The following CACNA2D3 variants were observed in gnomAD, a reference collection of about 807,000 sequenced individuals.
The protein encoded by CACNA2D3 is voltage-dependent calcium channel subunit alpha-2/delta-3.
In CACNA2D3, 60 loss-of-function variants were observed where a neutral mutation model predicts 160.6. The ratio of observed to expected loss-of-function variants is 0.37; its 90% CI spans 0.30 to 0.46. The LOEUF is 0.46. Among genes scored for constraint, CACNA2D3 ranks in the 20% least tolerant of loss-of-function variants. The probability of loss-of-function intolerance (pLI) is 1.00; values close to 1 mark genes in which losing one functional copy is unlikely to be tolerated. For missense variants in CACNA2D3, 1,205 were observed against 1,365.0 expected, an observed-to-expected ratio of 0.88 and a Z score of 1.85; for synonymous variants, 558 against 492.9, an observed-to-expected ratio of 1.13 and a Z score of -1.75.
At chr3:54,459,840 C>G (rs1248308301) in intron 4 of CACNA2D3, among the ~76,000 whole-genome samples, 1 of 152,156 alleles carries the variant, frequency 6.6e-6, no homozygotes, top group Non-Finnish European at 1.5e-5. Context: ...GACATGAAGT[C>G]CTTGCCCATG....
intron 4 of CACNA2D3, among the ~76,000 whole-genome samples, chr3:54,498,734 G>A (rs566563107): frequency 6.6e-6 from 1 of 151,628 alleles, no homozygotes; most frequent in South Asian, 2.1e-4. Flanking sequence ...TCTTCTCTAA[G>A]CTCTGCTTTC....
intron 27 of CACNA2D3, among the ~76,000 whole-genome samples, chr3:54,956,876 A>G (rs1701910861): frequency 1.3e-5 from 2 of 152,138 alleles, no homozygotes; most frequent in African/African-American, 4.8e-5. Context: ...AGCACACTAC[A>G]TCTTACAGTT....
rs746440922 is a variant in CACNA2D3, at chr3:54,581,890, C to T, written c.963+13C>T. The T allele has an allele frequency of 3.4e-5, 54 of 1,611,128 alleles. No individual in the cohort carries two copies. The highest frequency in any genetic ancestry group is 3.3e-4 in the Middle Eastern group (2 of 6,054). ...GACAAACAAAGAGGTAGGGGCAGCT[C>T]GGGGGAGCATTCCAGTCATGGTACA... On this transcript the variant is annotated intron_variant, in intron 9 of 37. Coordinates refer to ENST00000474759, the MANE Select transcript of CACNA2D3 (RefSeq NM_018398.3).
At chr3:54,897,719 G>A (rs1293188643) in intron 26 of CACNA2D3, among the ~76,000 whole-genome samples, 2 of 152,168 alleles carry the variant, frequency 1.3e-5, no homozygotes, top group African/African-American at 4.8e-5. Flanking sequence ...TCCAGGGTTT[G>A]TGCCCAATCC....
intron 10 of CACNA2D3, among the ~76,000 whole-genome samples, chr3:54,631,337 C>G (rs1237324785): frequency 6.6e-6 from 1 of 152,012 alleles, no homozygotes; most frequent in Non-Finnish European, 1.5e-5. Flanking sequence ...CATTTCATAT[C>G]ATCTATTGCC....
At chr3:55,018,346 C>A (rs1477378453) in intron 35 of CACNA2D3, 29 bp downstream of exon 35, 1 of 1,350,902 alleles carries the variant, frequency 7.4e-7, no homozygotes, top group South Asian at 1.2e-5. Context: ...CTCTAACCCC[C>A]TACACCTTTC....
At chr3:54,123,160 TGG>T (rs111569059) in intron 1 of CACNA2D3, among the ~76,000 whole-genome samples, 4 of 151,282 alleles carry the variant, frequency 2.6e-5, no homozygotes, top group African/African-American at 7.3e-5. Context: ...CTTCTTTTTT[TGG>T]GGGGGGGATG....
chr3:54,499,124 T>A (rs1482138028), intron 4 of CACNA2D3, among the ~76,000 whole-genome samples: 2 of 152,110 alleles, frequency 1.3e-5, no homozygotes, highest in African/African-American at 4.8e-5. Flanking sequence ...GAAAGTAGTA[T>A]TGCTACAGGA....
At chr3:55,026,976 T>C (rs964355486) in intron 35 of CACNA2D3, among the ~76,000 whole-genome samples, 2 of 151,448 alleles carry the variant, frequency 1.3e-5, no homozygotes, top group Non-Finnish European at 2.9e-5. Context: ...CTCTCACCGC[T>C]AAGCGCGCAT....
chr3:54,980,503 T>C (rs1225114915), intron 29 of CACNA2D3, among the ~76,000 whole-genome samples: 1 of 152,218 alleles, frequency 6.6e-6, no homozygotes, highest in African/African-American at 2.4e-5. Context: ...CAAAATATAT[T>C]CTACTTTTCT....
chr3:54,441,425 A>G (rs1198882692), intron 4 of CACNA2D3, among the ~76,000 whole-genome samples: 8 of 152,056 alleles, frequency 5.3e-5, no homozygotes, highest in Non-Finnish European at 1.2e-4. Context: ...ATTTTCTCCC[A>G]TTCCGTAGGT....
chr3:54,545,558 A>T (rs150862703), intron 5 of CACNA2D3, among the ~76,000 whole-genome samples: 1 of 152,278 alleles, frequency 6.6e-6, no homozygotes, highest in African/African-American at 2.4e-5. Flanking sequence ...ACATCCCAAG[A>T]GATCTGTGTC....
intron 2 of CACNA2D3, among the ~76,000 whole-genome samples, chr3:54,157,585 T>C (rs1700266336): frequency 6.6e-6 from 1 of 151,916 alleles, no homozygotes; most frequent in Non-Finnish European, 1.5e-5. Flanking sequence ...AGGTCGGGAG[T>C]TCGAGACCAG....
At chr3:54,144,759 GTTA>G (rs1299550482) in intron 2 of CACNA2D3, among the ~76,000 whole-genome samples, 4 of 152,252 alleles carry the variant, frequency 2.6e-5, no homozygotes, top group Non-Finnish European at 5.9e-5. Flanking sequence ...CACTTACGGA[GTTA>G]TTATGAGGAT....
intron 11 of CACNA2D3, among the ~76,000 whole-genome samples, chr3:54,671,600 C>G (rs1285912072): frequency 3.9e-5 from 6 of 152,114 alleles, no homozygotes; most frequent in Non-Finnish European, 7.3e-5. Context: ...AGTGTTTCCC[C>G]CAGCAGATGG....
At chr3:54,319,251 G>A (rs73081633) in intron 2 of CACNA2D3, among the ~76,000 whole-genome samples, 12,837 of 151,142 alleles carry the variant, frequency 0.085, 756 homozygotes, top group South Asian at 0.13. Flanking sequence ...CATTTTGAAG[G>A]TATAGGATGG....
chr3:54,532,337 A>G (rs1422489923), intron 5 of CACNA2D3, among the ~76,000 whole-genome samples: 1 of 152,306 alleles, frequency 6.6e-6, no homozygotes, highest in Admixed American at 6.5e-5. Flanking sequence ...CTTGTTAACA[A>G]TATGTTAACA....
At chr3:54,367,665 T>C in intron 3 of CACNA2D3, 1 of 254,924 alleles carries the variant, frequency 3.9e-6, no homozygotes, top group Non-Finnish European at 8.3e-6. Context: ...TAGTGCCCAG[T>C]AGAGCTCATC....
rs1698721836 is a variant in CACNA2D3 at position 54,837,551 on chromosome 3, G to A, written c.1470+321G>A. Among the ~76,000 whole-genome samples, 4 of 152,096 alleles carry A rather than the reference G, an allele frequency of 2.6e-5. No individual in the cohort carries two copies. In the South Asian group the frequency reaches 8.3e-4, roughly 32 times the overall value. On this transcript the variant is annotated intron_variant, in intron 15 of 37. Transcript: ENST00000474759. ...ACCAGCCTTTTATTAGTTTCCTAGG[G>A]CTGTTAGGAATGAAGTGCCACAAAC...
Sources: allele counts gnomAD v4.1 joint callset (sites outside exome capture counted in the v4.1 genomes callset), GRCh38; gene constraint gnomAD v4.1.1; transcripts MANE v1.5; gene names NCBI Gene and HGNC (gene_info 2026-07-23, HGNC 2026-07-21).